Variants in STAG2 observed in about 807,000 individuals in gnomAD.
The protein encoded by STAG2 is STAG2 cohesin complex component.
In STAG2, 14 loss-of-function variants were observed where a neutral mutation model predicts 108.1. That is an observed-to-expected ratio of 0.13 (90% CI 0.09 to 0.20). The LOEUF is 0.20. STAG2 is among the 10% of genes least tolerant of loss of function. The pLI, the probability that STAG2 is intolerant of heterozygous loss-of-function variation, is 1.00. For missense variants in STAG2, 440 were observed against 940.9 expected, an observed-to-expected ratio of 0.47 and a Z score of 6.96; for synonymous variants, 307 against 302.7, an observed-to-expected ratio of 1.01 and a Z score of -0.15.
chrX:124,032,864 C>T (rs1253326901), intron 5 of STAG2, among the ~76,000 whole-genome samples: 1 of 112,072 alleles, frequency 8.9e-6, no homozygotes. Flanking sequence ...ACTATCCGTT[C>T]AGGCTTTTTG....
intron 1 of STAG2, among the ~76,000 whole-genome samples, chrX:123,963,979 G>T (rs936761140): frequency 9.0e-6 from 1 of 111,388 alleles, no homozygotes; most frequent in Non-Finnish European, 1.9e-5. Flanking sequence ...GGAGGGAGTG[G>T]GTAGGAGGTA....
At chrX:124,022,468 T>C in intron 2 of STAG2, 63 bp from the exon 3 acceptor site, 1 of 418,736 alleles carries the variant, frequency 2.4e-6, no homozygotes, top group Non-Finnish European at 4.1e-6. Context: ...CTTTTGAGTA[T>C]GGATATCCTT....
chrX:123,986,002 G>C (rs1243512198), intron 1 of STAG2, among the ~76,000 whole-genome samples: 2 of 107,633 alleles, frequency 1.9e-5, no homozygotes, highest in African/African-American at 6.8e-5. Flanking sequence ...TAGAATTTTA[G>C]AGGAGGAAGA....
chrX:123,968,467 C>T (rs1050262737), intron 1 of STAG2, among the ~76,000 whole-genome samples: 6 of 111,309 alleles, frequency 5.4e-5, no homozygotes, highest in Non-Finnish European at 1.1e-4. Context: ...TGAGACCATC[C>T]TGGGCAACGT....
intron 2 of STAG2, 55 bp from the exon 3 acceptor site, chrX:124,022,476 C>T: frequency 2.3e-6 from 1 of 436,899 alleles, no homozygotes; most frequent in Non-Finnish European, 3.9e-6. Flanking sequence ...TATGGATATC[C>T]TTTCCGAATA....
At chrX:124,054,192 G>T (rs1024501836) in intron 13 of STAG2, among the ~76,000 whole-genome samples, 7 of 112,188 alleles carry the variant, frequency 6.2e-5, no homozygotes, top group African/African-American at 2.3e-4. Context: ...TGTAATAGCA[G>T]AATTTTGAAA....
rs1177101640 is a variant in STAG2 at position 123,967,256 on chromosome X, A to ATTTT, written c.-163+5423_-163+5426dup. Among the ~76,000 whole-genome samples, 39 of 50,224 alleles carry ATTTT rather than the reference A, an allele frequency of 7.8e-4. 1 individual carries two copies. The highest frequency in any genetic ancestry group is 2.4e-3 in the African/African-American group (28 of 11,596). 43.6% of individuals were successfully genotyped at this position (50,224 alleles called of 115,157 possible). On this transcript the variant is annotated intron_variant, in intron 1 of 34. Transcript: ENST00000371145. ...AGAGGATGAATAATGTCAATGGTGT[A>ATTTT]TTTTTTTTTTTTTTTTTTTTTTTTT...
At chrX:123,961,187 A>C (rs1602586698), upstream of STAG2, 1 of 89,441 alleles carries the variant, frequency 1.1e-5, no homozygotes, top group Non-Finnish European at 2.2e-5. Flanking sequence ...CTTCCTCCCT[A>C]CCTCCTACTC....
At chrX:124,073,331 A>G (rs2058720704) in intron 25 of STAG2, among the ~76,000 whole-genome samples, 1 of 111,518 alleles carries the variant, frequency 9.0e-6, no homozygotes, top group Non-Finnish European at 1.9e-5. Context: ...GGGGAGTTGA[A>G]TTAGAGTAAG....
At chrX:123,986,167 T>C (rs1158480712) in intron 1 of STAG2, among the ~76,000 whole-genome samples, 1 of 106,956 alleles carries the variant, frequency 9.3e-6, no homozygotes, top group Non-Finnish European at 1.9e-5. Context: ...ATATGATACA[T>C]ATGTGATACA....
chrX:124,045,449 CAG>C (rs1179544972), intron 8 of STAG2, 81 bp downstream of exon 8: 5 of 865,097 alleles, frequency 5.8e-6, no homozygotes, highest in Admixed American at 3.0e-5. Context: ...AAGGAAATAA[CAG>C]AGATACAAAT....
At chrX:124,014,239 A>G (rs927915890) in intron 1 of STAG2, among the ~76,000 whole-genome samples, 3 of 112,042 alleles carry the variant, frequency 2.7e-5, no homozygotes, top group East Asian at 5.6e-4. Context: ...TCCTTCCCCA[A>G]TTCCTGAAAA....
At chrX:124,010,891 C>G (rs756018044) in intron 1 of STAG2, among the ~76,000 whole-genome samples, 1 of 111,083 alleles carries the variant, frequency 9.0e-6, no homozygotes, top group Non-Finnish European at 1.9e-5. Flanking sequence ...CCTTGAGATT[C>G]TATATGAATT....
chrX:123,989,529 A>AT (rs2055345725), intron 1 of STAG2, among the ~76,000 whole-genome samples: 1 of 110,879 alleles, frequency 9.0e-6, no homozygotes, highest in African/African-American at 3.3e-5. Flanking sequence ...TTTAAAACTC[A>AT]TATATGTATA....
Position 124,083,437 on chromosome X carries a change from G to T in STAG2, c.2941G>T (p.Ala981Ser). 8.5e-7 allele frequency: 1 copy of T among 1,179,192 alleles called. No homozygotes were observed. Among genetic ancestry groups the T allele is most frequent in the Non-Finnish European group, 1.1e-6 (1 of 881,283 alleles). Residue 981 changes from alanine (A) to serine (S), a missense_variant, in exon 29 of 35, where the codon GCT (alanine) becomes TCT (serine). By Grantham distance (99) the Ala-to-Ser change is moderately conservative. Transcript: ENST00000371145. ...AMLHKDGIEF[A>S]FKEPNPQGES... ...CCTTTGCAGAGATGGCATAGAATTT[G>T]CTTTTAAAGAGCCTAATCCGCAAGG...
At chrX:123,976,758 G>T (rs189568954) in intron 1 of STAG2, among the ~76,000 whole-genome samples, 1 of 111,446 alleles carries the variant, frequency 9.0e-6, no homozygotes, top group Admixed American at 9.6e-5. Flanking sequence ...GTTTACTGAG[G>T]TTCAGAATTG....
intron 2 of STAG2, among the ~76,000 whole-genome samples, chrX:124,022,316 A>G (rs985318593): frequency 9.2e-6 from 1 of 108,434 alleles, no homozygotes; most frequent in Non-Finnish European, 1.9e-5. Context: ...GGTTGCAGTG[A>G]GCCGAGATCG....
intron 1 of STAG2, among the ~76,000 whole-genome samples, chrX:124,011,660 A>T (rs1414862113): frequency 9.0e-6 from 1 of 111,545 alleles, no homozygotes; most frequent in Non-Finnish European, 1.9e-5. Flanking sequence ...TTGAGGGTCC[A>T]CATCTGATGA....
At chrX:124,096,930 A>G (rs775367845) in intron 34 of STAG2, among the ~76,000 whole-genome samples, 2 of 112,469 alleles carry the variant, frequency 1.8e-5, no homozygotes, top group African/African-American at 6.4e-5. Context: ...TGTAATCCCA[A>G]TACTTTGGAA....
Sources: gnomAD v4.1 joint callset for allele counts (sites outside exome capture counted in the v4.1 genomes callset) on GRCh38, gnomAD v4.1.1 for gene constraint, MANE v1.5 for transcripts, NCBI Gene and HGNC (gene_info 2026-07-23, HGNC 2026-07-21) for gene names.